PDLIM5: variants seen among roughly 807,000 people sequenced by gnomAD.
The protein encoded by PDLIM5 is PDZ and LIM domain protein 5.
A neutral mutation model predicts 64.2 loss-of-function variants in PDLIM5; 34 were observed. The ratio of observed to expected loss-of-function variants is 0.53; its 90% CI spans 0.40 to 0.71. PDLIM5 has a LOEUF of 0.71. Among genes scored for constraint, PDLIM5 ranks in the 30% least tolerant of loss-of-function variants. The probability of loss-of-function intolerance (pLI) is 0.00; values close to 1 mark genes in which losing one functional copy is unlikely to be tolerated. For synonymous variants in PDLIM5, 253 were observed against 269.1 expected (o/e 0.94, Z 0.59); for missense variants, 683 against 733.6 (o/e 0.93, Z 0.80).
At chr4:94,646,242 G>A (rs977961820) in intron 9 of PDLIM5, among the ~76,000 whole-genome samples, 1 of 152,180 alleles carries the variant, frequency 6.6e-6, no homozygotes, top group African/African-American at 2.4e-5. Context: ...TATTTGAAGA[G>A]GGCATTTGGT....
In PDLIM5 at chr4:94,524,015, AT is replaced by A. The variant is rs1730101784; in HGVS notation, c.248+142del. 8 of 585,254 alleles carry A rather than the reference AT, an allele frequency of 1.4e-5. No homozygotes were observed. The South Asian group carries it at 1.9e-4, about 14-fold the overall frequency. The allele number at this position is 585,254 out of a possible 1,614,324, so 36.3% of individuals were successfully genotyped here. On this transcript the variant is annotated intron_variant, in intron 3 of 12. Coordinates refer to ENST00000317968, the MANE Select transcript of PDLIM5 (RefSeq NM_006457.5). ...AAATAAAAAATATAATGGCTCTTAA[AT>A]TGGATAATTAAGCAGCAAGAGAATT... is the stretch of plus-strand genomic sequence containing the variant.
intron 8 of PDLIM5, among the ~76,000 whole-genome samples, chr4:94,631,364 TTATC>T (rs1447324875): frequency 6.6e-6 from 1 of 152,170 alleles, no homozygotes; most frequent in Admixed American, 6.5e-5. Context: ...TAAGTAGTAT[TTATC>T]TAAGAAACTC....
intron 7 of PDLIM5, among the ~76,000 whole-genome samples, chr4:94,613,261 G>A (rs1280921667): frequency 6.6e-6 from 1 of 152,128 alleles, no homozygotes; most frequent in Non-Finnish European, 1.5e-5. Context: ...AATTAAACCT[G>A]TGATGTACAG....
intron 5 of PDLIM5, among the ~76,000 whole-genome samples, chr4:94,580,844 T>A (rs1735674558): frequency 6.6e-6 from 1 of 152,104 alleles, no homozygotes; most frequent in Non-Finnish European, 1.5e-5. Flanking sequence ...GGCTTATTTC[T>A]ATGGCTTTGA....
At chr4:94,471,672 C>T (rs1431390371) in intron 2 of PDLIM5, among the ~76,000 whole-genome samples, 1 of 152,016 alleles carries the variant, frequency 6.6e-6, no homozygotes, top group African/African-American at 2.4e-5. Context: ...TGTAATTTAC[C>T]ACTGGTCAAA....
At chr4:94,530,699 T>C in intron 3 of PDLIM5, among the ~76,000 whole-genome samples, 1 of 152,132 alleles carries the variant, frequency 6.6e-6, no homozygotes, top group East Asian at 1.9e-4. Context: ...TTGAAAAATA[T>C]TGATGTACTA....
At chr4:94,628,611 T>C (rs1739890840) in intron 8 of PDLIM5, among the ~76,000 whole-genome samples, 1 of 152,140 alleles carries the variant, frequency 6.6e-6, no homozygotes. Flanking sequence ...CCTTTCTCCT[T>C]CATTTCTGAA....
chr4:94,629,851 G>A (rs571182303), intron 8 of PDLIM5, among the ~76,000 whole-genome samples: 3 of 152,212 alleles, frequency 2.0e-5, no homozygotes, highest in Non-Finnish European at 2.9e-5. Context: ...ATCGTCTCCA[G>A]AATGTACTTT....
Position 94,456,079 on chromosome 4 carries a change from G to A in PDLIM5, c.96+695G>A, listed in dbSNP as rs944110727. 1.4e-5 allele frequency: 15 copies of A among 1,038,830 alleles called. No homozygotes were observed. In the African/African-American group the frequency reaches 2.0e-4, roughly 14 times the overall value. 64.4% of individuals were successfully genotyped at this position (1,038,830 alleles called of 1,614,324 possible). On this transcript the variant is annotated intron_variant, in intron 2 of 12. Coordinates refer to ENST00000317968, the MANE Select transcript of PDLIM5 (RefSeq NM_006457.5). ...GAGACTTGACTATATGTCAGGTACT[G>A]TTTCACTTTCATCACCAGTAGGTAA...
chr4:94,543,575 C>G (rs541798946), intron 3 of PDLIM5, among the ~76,000 whole-genome samples: 13 of 151,996 alleles, frequency 8.6e-5, no homozygotes, highest in Non-Finnish European at 1.3e-4. Flanking sequence ...ATCCTTTGAC[C>G]AACATCTCCC....
chr4:94,521,128 T>C (rs920688226), intron 2 of PDLIM5, among the ~76,000 whole-genome samples: 1 of 152,206 alleles, frequency 6.6e-6, no homozygotes, highest in Non-Finnish European at 1.5e-5. Context: ...TGACAAATTA[T>C]AGATGGCTTG....
At chr4:94,487,128 ACTTCT>A (rs1726415732) in intron 2 of PDLIM5, among the ~76,000 whole-genome samples, 1 of 152,216 alleles carries the variant, frequency 6.6e-6, no homozygotes, top group South Asian at 2.1e-4. Context: ...TTTTATTTAT[ACTTCT>A]CTTAACTTGA....
chr4:94,486,749 C>A (rs542046077), intron 2 of PDLIM5, among the ~76,000 whole-genome samples: 1 of 152,176 alleles, frequency 6.6e-6, no homozygotes, highest in South Asian at 2.1e-4. Flanking sequence ...TGCCTGCAAT[C>A]CCAGCACTTT....
intron 8 of PDLIM5, among the ~76,000 whole-genome samples, chr4:94,623,094 T>TA (rs534894735): frequency 4.6e-5 from 7 of 152,356 alleles, no homozygotes; most frequent in African/African-American, 7.2e-5. Flanking sequence ...TCTATGCCTT[T>TA]ATTCCTTTTC....
chr4:94,652,616 G>A (rs1323459449), intron 9 of PDLIM5, among the ~76,000 whole-genome samples: 1 of 152,112 alleles, frequency 6.6e-6, no homozygotes, highest in Non-Finnish European at 1.5e-5. Context: ...CTTACCAAAA[G>A]TAATATATTC....
At chr4:94,583,337 C>G (rs907160152) in intron 5 of PDLIM5, among the ~76,000 whole-genome samples, 1 of 152,030 alleles carries the variant, frequency 6.6e-6, no homozygotes, top group Non-Finnish European at 1.5e-5. Flanking sequence ...TTCTATTATT[C>G]GTGATATCTT....
At chr4:94,474,608 A>G (rs1265875739) in intron 2 of PDLIM5, among the ~76,000 whole-genome samples, 2 of 152,020 alleles carry the variant, frequency 1.3e-5, no homozygotes. Flanking sequence ...CCACAGACCA[A>G]TTGTCTTGGC....
At chr4:94,633,737 TAATAAAC>T (rs1186881889) in intron 8 of PDLIM5, among the ~76,000 whole-genome samples, 2 of 152,054 alleles carry the variant, frequency 1.3e-5, no homozygotes, top group Non-Finnish European at 2.9e-5. Flanking sequence ...AGAAGACAGA[TAATAAAC>T]AATAAAAAGA....
intron 3 of PDLIM5, among the ~76,000 whole-genome samples, chr4:94,566,408 G>A (rs1734323100): frequency 6.6e-6 from 1 of 152,044 alleles, no homozygotes; most frequent in South Asian, 2.1e-4. Flanking sequence ...AATTGATCCT[G>A]TTAGTAATTT....
Sources: allele counts gnomAD v4.1 joint callset (sites outside exome capture counted in the v4.1 genomes callset), GRCh38; gene constraint gnomAD v4.1.1; transcripts MANE v1.5; gene names NCBI Gene and HGNC (gene_info 2026-07-23, HGNC 2026-07-21).